PRR16: variants seen among roughly 807,000 people sequenced by gnomAD.
The protein encoded by PRR16 is protein Largen.
In PRR16, 6 loss-of-function variants were observed where a neutral mutation model predicts 18.2. The observed-to-expected ratio is 0.33, with a 90% confidence interval of 0.18 to 0.65. The LOEUF (loss-of-function observed/expected upper bound fraction) is 0.65. Ranked by LOEUF, PRR16 falls within the 30% of genes least tolerant of loss-of-function variation. The pLI is 0.74. For synonymous variants in PRR16, 151 were observed against 147.8 expected (o/e 1.02, Z -0.16); for missense variants, 412 against 376.6 (o/e 1.09, Z -0.78).
the PRR16 span, among the ~76,000 whole-genome samples, chr5:120,699,076 T>C: frequency 6.6e-6 from 1 of 152,146 alleles, no homozygotes; most frequent in East Asian, 1.9e-4. Flanking sequence ...GTTCCCTGAC[T>C]CGGGACATGT....
chr5:120,529,376 T>G (rs144386329), intron 1 of PRR16, among the ~76,000 whole-genome samples: 185 of 152,278 alleles, frequency 1.2e-3, no homozygotes, highest in African/African-American at 4.3e-3. Flanking sequence ...AACAATGGCT[T>G]ATTGACAACT....
chr5:120,784,161 A>G, the PRR16 span, among the ~76,000 whole-genome samples: 47 of 152,146 alleles, frequency 3.1e-4, 1 homozygote, highest in Admixed American at 5.9e-4. Context: ...TAGTGCTGCA[A>G]TAAACATGGG....
the PRR16 span, among the ~76,000 whole-genome samples, chr5:120,742,879 A>G: frequency 6.6e-6 from 1 of 152,310 alleles, no homozygotes; most frequent in African/African-American, 2.4e-5. Flanking sequence ...GAGGTTGCCC[A>G]CATAACTTAG....
the PRR16 span, among the ~76,000 whole-genome samples, chr5:120,712,947 T>C: frequency 6.6e-6 from 1 of 152,136 alleles, no homozygotes; most frequent in Non-Finnish European, 1.5e-5. Flanking sequence ...AGAACGGCCA[T>C]ATGACCTAGC....
intron 1 of PRR16, among the ~76,000 whole-genome samples, chr5:120,509,252 A>T (rs1206852118): frequency 6.6e-6 from 1 of 152,054 alleles, no homozygotes; most frequent in Non-Finnish European, 1.5e-5. Flanking sequence ...CTATGGTGTA[A>T]TCATACATCT....
chr5:120,787,184 G>T, the PRR16 span, among the ~76,000 whole-genome samples: 3 of 152,066 alleles, frequency 2.0e-5, no homozygotes, highest in East Asian at 5.8e-4. Context: ...GGTATATTAT[G>T]TCTCTATATT....
chr5:120,762,480 G>T, the PRR16 span, among the ~76,000 whole-genome samples: 1 of 152,020 alleles, frequency 6.6e-6, no homozygotes, highest in Admixed American at 6.6e-5. Context: ...TAAATATGTT[G>T]ACTAATGTTG....
chr5:120,770,494 G>A, the PRR16 span, among the ~76,000 whole-genome samples: 1 of 151,912 alleles, frequency 6.6e-6, no homozygotes, highest in African/African-American at 2.4e-5. Flanking sequence ...AAAGGGAAAA[G>A]CTTTTTGACA....
At chr5:120,592,819 A>G (rs539914032) in intron 1 of PRR16, among the ~76,000 whole-genome samples, 1 of 152,252 alleles carries the variant, frequency 6.6e-6, no homozygotes, top group Non-Finnish European at 1.5e-5. Context: ...ATGTTCCAAA[A>G]TGTCAATGTT....
At chr5:120,486,347 T>C (rs968439824) in intron 1 of PRR16, among the ~76,000 whole-genome samples, 1 of 150,960 alleles carries the variant, frequency 6.6e-6, no homozygotes, top group Non-Finnish European at 1.5e-5. Flanking sequence ...CCATTCTAAC[T>C]GGTGTCAGAT....
chr5:120,783,712 G>C, the PRR16 span, among the ~76,000 whole-genome samples: 2 of 151,994 alleles, frequency 1.3e-5, no homozygotes, highest in Non-Finnish European at 2.9e-5. Context: ...TCATGTTTTT[G>C]TGTTGGGAAC....
At chr5:120,775,911 G>T in the PRR16 span, among the ~76,000 whole-genome samples, 6 of 149,772 alleles carry the variant, frequency 4.0e-5, no homozygotes, top group South Asian at 8.4e-4. Flanking sequence ...GTCTCCCAAA[G>T]TGCTGAGATT....
intron 1 of PRR16, among the ~76,000 whole-genome samples, chr5:120,648,188 C>T (rs1032671087): frequency 5.3e-5 from 8 of 152,006 alleles, no homozygotes; most frequent in Non-Finnish European, 8.8e-5. Context: ...TAAATCATGG[C>T]TTCTATTTTC....
chr5:120,728,364 T>C, the PRR16 span, among the ~76,000 whole-genome samples: 1 of 151,552 alleles, frequency 6.6e-6, no homozygotes, highest in Non-Finnish European at 1.5e-5. Context: ...GGATGTTTCA[T>C]ATTAAACATG....
At chr5:120,591,591 A>G (rs1190913092) in intron 1 of PRR16, among the ~76,000 whole-genome samples, 1 of 151,964 alleles carries the variant, frequency 6.6e-6, no homozygotes, top group Non-Finnish European at 1.5e-5. Context: ...TAATATATGC[A>G]ATAACTGCTT....
chr5:120,513,993 C>T (rs572688961), intron 1 of PRR16, among the ~76,000 whole-genome samples: 3 of 152,088 alleles, frequency 2.0e-5, no homozygotes, highest in Admixed American at 6.5e-5. Context: ...CTCCTGACCT[C>T]GTGATCCACC....
At chr5:120,789,487 T>A in the PRR16 span, among the ~76,000 whole-genome samples, 4 of 152,262 alleles carry the variant, frequency 2.6e-5, no homozygotes, top group Admixed American at 1.3e-4. Flanking sequence ...AACCCTTTTT[T>A]AATCTGGTAA....
chr5:120,686,206 A>G lies in PRR16; in HGVS notation c.412A>G (p.Lys138Glu). 6.2e-7 allele frequency: 1 copy of G among 1,614,152 alleles called. No individual in the cohort carries two copies. The highest frequency in any genetic ancestry group is 2.2e-5 in the East Asian group (1 of 44,866). Reference sequence around the variant, plus strand: ...GACACCTGTGAAGTGTGAAGACCCCAAAAGGGTGGTTCCAACTGCCAATCC... The same window carrying G: ...GACACCTGTGAAGTGTGAAGACCCCGAAAGGGTGGTTCCAACTGCCAATCC... ...RLTPVKCEDP[K>E]RVVPTANPVK... The change falls in exon 2 of 2, where the codon AAA becomes GAA. Residue 138 changes from lysine (K) to glutamate (E), a missense_variant. Physicochemically the swap from Lys to Glu is moderately conservative, Grantham distance 56 (BLOSUM62 1). Transcript: ENST00000407149.
At chr5:120,669,258 T>G (rs1199111251) in intron 1 of PRR16, among the ~76,000 whole-genome samples, 2 of 152,114 alleles carry the variant, frequency 1.3e-5, no homozygotes, top group East Asian at 3.9e-4. Flanking sequence ...AAAAATTGTT[T>G]AAGTTTCTCT....
Sources: allele counts gnomAD v4.1 joint callset (sites outside exome capture counted in the v4.1 genomes callset), GRCh38; gene constraint gnomAD v4.1.1; transcripts MANE v1.5; gene names NCBI Gene and HGNC (gene_info 2026-07-23, HGNC 2026-07-21).